The following MACF1 variants were observed in gnomAD, a reference collection of about 807,000 sequenced individuals.
MACF1 encodes microtubule actin crosslinking factor 1, also known as microtubule-actin cross-linking factor 1.
A neutral mutation model predicts 854.8 loss-of-function variants in MACF1; 193 were observed. The ratio of observed to expected loss-of-function variants is 0.23; its 90% CI spans 0.20 to 0.25. The LOEUF (loss-of-function observed/expected upper bound fraction) is 0.25, where lower values mean the gene tolerates loss of function less well. Among genes scored for constraint, MACF1 ranks in the 10% least tolerant of loss-of-function variants. The pLI is 1.00. For synonymous variants in MACF1, 3,185 were observed against 3,226.7 expected (o/e 0.99, Z 0.44); for missense variants, 7,722 against 8,929.1 (o/e 0.86, Z 5.45).
At position 39,387,976 on chromosome 1, in the gene MACF1, G is replaced by A; in HGVS notation, c.15134G>A (p.Ser5045Asn). 1 of 1,614,052 alleles carries A rather than the reference G, an allele frequency of 6.2e-7. No homozygotes were observed. Among genetic ancestry groups the A allele is most frequent in the Non-Finnish European group, 8.5e-7 (1 of 1,180,006 alleles). The change falls in exon 58 of 101, where the codon AGC becomes AAC. Residue 5045 changes from serine (S) to asparagine (N), a missense_variant. Around this residue, in one of 15 missense-constraint regions of MACF1, gnomAD observed 2,807 missense variants for 3,235.8 expected, o/e 0.87. Transcript: ENST00000564288. ...IFDALGSQAC[S>N]NKNLEKLRAQ... Reference sequence around the variant, plus strand: ...GATGCTCTGGGTTCTCAAGCCTGTAGCAACAAGAACCTGGAGAAGCTAAGA... The same window carrying A: ...GATGCTCTGGGTTCTCAAGCCTGTAACAACAAGAACCTGGAGAAGCTAAGA...
chr1:39,089,534 A>G (rs1011987316), intron 2 of MACF1, among the ~76,000 whole-genome samples: 28 of 152,098 alleles, frequency 1.8e-4, no homozygotes, highest in Non-Finnish European at 3.2e-4. Context: ...TTCCCTCACC[A>G]GCTCTGGAGG....
rs1251336413 is a variant in MACF1 at position 39,290,266 on chromosome 1, C to T, written c.1786-1644C>T. Among the ~76,000 whole-genome samples, 4 of 152,254 alleles carry T rather than the reference C, an allele frequency of 2.6e-5. No individual in the cohort carries two copies. In the East Asian group the frequency reaches 7.7e-4, roughly 29 times the overall value. On this transcript the variant is annotated intron_variant, in intron 15 of 100. Transcript: ENST00000564288. ...TCTACATACAGATATCCAGTTTTCC[C>T]AGCACCATTAATTGAAGAGACTGTC...
At chr1:39,331,047 C>T in intron 36 of MACF1, 156 bp from the exon 37 acceptor site, 3 of 1,107,402 alleles carry the variant, frequency 2.7e-6, no homozygotes, top group Non-Finnish European at 2.4e-6. Flanking sequence ...GATTTGCCTG[C>T]CTTGGGCAGA....
upstream of MACF1, among the ~76,000 whole-genome samples, chr1:39,200,839 C>G (rs1571166263): frequency 3.3e-5 from 5 of 152,142 alleles, 1 homozygote; most frequent in South Asian, 1.0e-3. Context: ...CTTTAGGAGG[C>G]CAAGGAAGGA....
intron 2 of MACF1, among the ~76,000 whole-genome samples, chr1:39,161,006 A>G (rs1224283829): frequency 6.6e-6 from 1 of 152,184 alleles, no homozygotes; most frequent in East Asian, 1.9e-4. Flanking sequence ...GTTGAAGGGA[A>G]TCCAGTGGGA....
chr1:39,343,853 C>T (rs1371573916), intron 40 of MACF1, among the ~76,000 whole-genome samples: 3 of 152,154 alleles, frequency 2.0e-5, no homozygotes, highest in African/African-American at 7.2e-5. Flanking sequence ...CGGTGGCTCA[C>T]GCCTGTAATC....
chr1:39,087,747 C>G lies in MACF1; in HGVS notation c.220+3309C>G, dbSNP rs79164131. On this transcript the variant is annotated intron_variant, in intron 2 of 93. Transcript: ENST00000361689. ...TATAGTTACACAGGACTGGTAAACA[C>G]AGATCTTCTAACTCCAAGTACATTG... is the stretch of plus-strand genomic sequence containing the variant. 5.4e-3 allele frequency among the ~76,000 whole-genome samples: 816 copies of G among 152,210 alleles called. 7 individuals carry two copies. Among genetic ancestry groups the G allele is most frequent in the African/African-American group, 0.018 (755 of 41,548 alleles).
At chr1:39,218,971 G>C (rs1330537728) in intron 1 of MACF1, among the ~76,000 whole-genome samples, 1 of 152,082 alleles carries the variant, frequency 6.6e-6, no homozygotes, top group Non-Finnish European at 1.5e-5. Flanking sequence ...AGTGGAGACG[G>C]GGTTTCACCA....
At position 39,287,538 on chromosome 1, in the gene MACF1, A is replaced by G. The variant is rs1365019363; in HGVS notation, c.1761A>G (p.Leu587=). 1.2e-6 allele frequency: 2 copies of G among 1,614,216 alleles called. No individual in the cohort carries two copies. Among genetic ancestry groups the G allele is most frequent in the Non-Finnish European group, 1.7e-6 (2 of 1,180,038 alleles). ...GCAATCTCCGATTTGTGTATGAACT[A>G]CTGTCTTGGGTAGAAGAGATGCAGG... ...DEGNLRFVYE[L]LSWVEEMQMK... The change falls in exon 15 of 101, where the codon CTA becomes CTG. Residue 587 remains leucine (L), a synonymous_variant. Transcript: ENST00000564288.
chr1:39,202,112 G>A (rs1191550145), upstream of MACF1, among the ~76,000 whole-genome samples: 3 of 149,988 alleles, frequency 2.0e-5, no homozygotes, highest in South Asian at 2.1e-4. Context: ...GATTACAGGC[G>A]ACCATCACCA....
chr1:39,302,174 T>A (rs1360411733), intron 22 of MACF1, among the ~76,000 whole-genome samples: 1 of 152,122 alleles, frequency 6.6e-6, no homozygotes, highest in East Asian at 1.9e-4. Flanking sequence ...TTTTTGTTAT[T>A]TTTTGTAGAG....
chr1:39,281,406 A>G (rs1645542684), intron 6 of MACF1, among the ~76,000 whole-genome samples: 1 of 152,132 alleles, frequency 6.6e-6, no homozygotes, highest in Non-Finnish European at 1.5e-5. Flanking sequence ...CAAAATAATC[A>G]AGATTACTAT....
At chr1:39,480,806 T>G in intron 98 of MACF1, 114 bp from the exon 99 acceptor site, 1 of 638,264 alleles carries the variant, frequency 1.6e-6, no homozygotes, top group Non-Finnish European at 2.8e-6. Context: ...TATTTTGTTT[T>G]CTGTTTCTTT....
chr1:39,234,131 C>T (rs1571204410), intron 2 of MACF1, among the ~76,000 whole-genome samples: 1 of 150,024 alleles, frequency 6.7e-6, no homozygotes, highest in Middle Eastern at 3.4e-3. Flanking sequence ...AACAGGATCC[C>T]AAGGCAGAAG....
At chr1:39,264,477 G>C (rs1645206453) in intron 6 of MACF1, among the ~76,000 whole-genome samples, 1 of 152,130 alleles carries the variant, frequency 6.6e-6, no homozygotes, top group Non-Finnish European at 1.5e-5. Flanking sequence ...GCATAGAATA[G>C]GCAGTCAGTA....
chr1:39,412,315 T>G, intron 58 of MACF1: 1 of 1,613,984 alleles, frequency 6.2e-7, no homozygotes, highest in South Asian at 1.1e-5. Context: ...TGAAATTCAT[T>G]TGGAAAGTGG....
At chr1:39,375,883 G>A (rs536178094) in intron 52 of MACF1, among the ~76,000 whole-genome samples, 77 of 152,318 alleles carry the variant, frequency 5.1e-4, no homozygotes, top group African/African-American at 1.8e-3. Context: ...GAAGTGTTAA[G>A]AATTCTATTA....
intron 38 of MACF1, 39 bp from the exon 39 acceptor site, chr1:39,340,463 A>G (rs776663707): frequency 2.8e-6 from 4 of 1,448,974 alleles, no homozygotes; most frequent in South Asian, 2.3e-5. Context: ...GAGGGTTTCT[A>G]GTCTTGCTTT....
chr1:39,348,257 T>C lies in MACF1; in HGVS notation c.10815+1047T>C, dbSNP rs370951268. ...CAATGCTCGCATTCAGGAGTTTATA[T>C]AGCATGATATAACCTTTGGATAATT... is the stretch of plus-strand genomic sequence containing the variant. On this transcript the variant is annotated intron_variant, in intron 41 of 100. Coordinates refer to ENST00000564288, the MANE Select transcript of MACF1 (RefSeq NM_001394062.1). Among the ~76,000 whole-genome samples the C allele has an allele frequency of 2.6e-5, 4 of 152,318 alleles. No individual in the cohort carries two copies. In the East Asian group the frequency reaches 5.8e-4, roughly 22 times the overall value.
Sources: gnomAD v4.1 joint callset for allele counts (sites outside exome capture counted in the v4.1 genomes callset) on GRCh38, gnomAD v4.1.1 for gene constraint, gnomAD v4.1.1 regional missense constraint, MANE v1.5 for transcripts, NCBI Gene and HGNC (gene_info 2026-07-23, HGNC 2026-07-21) for gene names.